GPC6: variants seen among roughly 807,000 people sequenced by gnomAD.
The protein encoded by GPC6 is glypican 6, also known as glypican-6.
Under a neutral mutation model 55.2 loss-of-function variants are expected in GPC6, and 14 were observed. The ratio of observed to expected loss-of-function variants is 0.25; its 90% CI spans 0.17 to 0.40. The LOEUF (loss-of-function observed/expected upper bound fraction) is 0.40, where lower values mean the gene tolerates loss of function less well. Among genes scored for constraint, GPC6 ranks in the 10% least tolerant of loss-of-function variants. The pLI is 1.00. For synonymous variants in GPC6, 278 were observed against 259.6 expected (o/e 1.07, Z -0.68); for missense variants, 641 against 708.5 (o/e 0.90, Z 1.08).
intron 1 of GPC6, among the ~76,000 whole-genome samples, chr13:93,260,388 G>C (rs1276656490): frequency 6.6e-6 from 1 of 151,982 alleles, no homozygotes; most frequent in Non-Finnish European, 1.5e-5. Flanking sequence ...GTTCTATAAA[G>C]AGTATATAAA....
intron 4 of GPC6, among the ~76,000 whole-genome samples, chr13:94,157,957 T>C (rs1006673979): frequency 2.6e-5 from 4 of 152,118 alleles, no homozygotes; most frequent in African/African-American, 7.2e-5. Context: ...GCTGGGAAGA[T>C]GGAAATTACC....
At chr13:93,702,233 AC>A (rs1882694439) in intron 2 of GPC6, among the ~76,000 whole-genome samples, 1 of 152,018 alleles carries the variant, frequency 6.6e-6, no homozygotes. Context: ...ACACATCTCC[AC>A]CAGAGCTCCT....
intron 1 of GPC6, among the ~76,000 whole-genome samples, chr13:93,402,402 A>G (rs1220526477): frequency 3.3e-5 from 5 of 152,104 alleles, no homozygotes; most frequent in Non-Finnish European, 5.9e-5. Context: ...TCACCTTCTT[A>G]TTCTTAATGA....
intron 1 of GPC6, among the ~76,000 whole-genome samples, chr13:93,289,238 T>C (rs2139077854): frequency 6.6e-6 from 1 of 152,290 alleles, no homozygotes; most frequent in Admixed American, 6.5e-5. Context: ...AACCCTAACC[T>C]GGGAGTCAGA....
At chr13:94,166,319 G>A (rs970201050) in intron 4 of GPC6, among the ~76,000 whole-genome samples, 1 of 152,180 alleles carries the variant, frequency 6.6e-6, no homozygotes, top group Non-Finnish European at 1.5e-5. Context: ...TGTTCGTATT[G>A]TAAGACATCA....
intron 1 of GPC6, among the ~76,000 whole-genome samples, chr13:93,242,491 G>A (rs911674829): frequency 1.3e-5 from 2 of 152,170 alleles, no homozygotes; most frequent in Admixed American, 6.5e-5. Flanking sequence ...ACCCCAAAAT[G>A]CTCTATAAAG....
chr13:93,985,689 CAAAAAAAAAAAAA>C (rs34003218), intron 3 of GPC6, among the ~76,000 whole-genome samples: 3 of 69,398 alleles, frequency 4.3e-5, no homozygotes, highest in East Asian at 4.2e-4. Flanking sequence ...AAGACCTGGC[CAAAAAAAAAAAAA>C]AAAAAAAAAA....
chr13:93,291,282 A>G (rs1380119320), intron 1 of GPC6, among the ~76,000 whole-genome samples: 7 of 152,156 alleles, frequency 4.6e-5, no homozygotes, highest in Non-Finnish European at 1.5e-5. Context: ...TGCTGGCAGT[A>G]TGAGTCAAGT....
At chr13:93,824,344 C>T (rs966630484) in intron 2 of GPC6, among the ~76,000 whole-genome samples, 5 of 152,290 alleles carry the variant, frequency 3.3e-5, no homozygotes, top group South Asian at 4.1e-4. Flanking sequence ...ATGTGTGAGA[C>T]TGCAATGTGT....
chr13:93,313,412 T>A (rs748370237), intron 1 of GPC6, among the ~76,000 whole-genome samples: 4 of 152,176 alleles, frequency 2.6e-5, no homozygotes, highest in African/African-American at 4.8e-5. Context: ...TTTTCAACTG[T>A]TAGTTGGAAT....
intron 2 of GPC6, among the ~76,000 whole-genome samples, chr13:93,686,195 C>G (rs916211932): frequency 6.6e-6 from 1 of 151,976 alleles, no homozygotes; most frequent in Non-Finnish European, 1.5e-5. Flanking sequence ...TAGGTTTAAC[C>G]CAGTTGCCTT....
At chr13:93,645,870 C>T (rs1025456039) in intron 2 of GPC6, among the ~76,000 whole-genome samples, 2 of 152,056 alleles carry the variant, frequency 1.3e-5, no homozygotes, top group African/African-American at 4.8e-5. Context: ...CACGCTAAAG[C>T]ACGTCTGCTG....
intron 1 of GPC6, among the ~76,000 whole-genome samples, chr13:93,306,847 G>T (rs984859565): frequency 1.1e-4 from 16 of 152,016 alleles, no homozygotes; most frequent in African/African-American, 3.9e-4. Context: ...ATTACATTTT[G>T]ACACAGAGCA....
chr13:93,878,175 T>C (rs1874708611), intron 3 of GPC6, among the ~76,000 whole-genome samples: 2 of 151,866 alleles, frequency 1.3e-5, no homozygotes, highest in East Asian at 3.9e-4. Flanking sequence ...AGTACTATGG[T>C]TTGAATGTTT....
At chr13:94,395,607 T>G (rs1256421222) in intron 7 of GPC6, among the ~76,000 whole-genome samples, 1 of 152,270 alleles carries the variant, frequency 6.6e-6, no homozygotes, top group East Asian at 1.9e-4. Flanking sequence ...GTTCTTCTTT[T>G]GGAGGTTGAT....
At chr13:94,206,049 A>G (rs1396004063) in intron 4 of GPC6, among the ~76,000 whole-genome samples, 1 of 152,142 alleles carries the variant, frequency 6.6e-6, no homozygotes, top group Non-Finnish European at 1.5e-5. Flanking sequence ...TCAGGCCCCA[A>G]ATTTCGATAG....
At chr13:93,712,679 C>T (rs1304964339) in intron 2 of GPC6, among the ~76,000 whole-genome samples, 1 of 151,340 alleles carries the variant, frequency 6.6e-6, no homozygotes, top group Non-Finnish European at 1.5e-5. Flanking sequence ...TATATTTTGT[C>T]CTGTTTTTTT....
chr13:93,243,556 G>T (rs980422194), intron 1 of GPC6, among the ~76,000 whole-genome samples: 5 of 152,192 alleles, frequency 3.3e-5, no homozygotes, highest in Non-Finnish European at 7.3e-5. Flanking sequence ...TCTCCCAGTG[G>T]CAGGTGCGAG....
intron 3 of GPC6, among the ~76,000 whole-genome samples, chr13:93,988,402 A>G (rs1490225799): frequency 6.6e-6 from 1 of 152,100 alleles, no homozygotes; most frequent in Non-Finnish European, 1.5e-5. Flanking sequence ...TACCTTTCGG[A>G]TAGGACTTCT....
Sources: allele counts gnomAD v4.1 joint callset (sites outside exome capture counted in the v4.1 genomes callset), GRCh38; gene constraint gnomAD v4.1.1; transcripts MANE v1.5; gene names NCBI Gene and HGNC (gene_info 2026-07-23, HGNC 2026-07-21).